ITCH: variants seen among roughly 807,000 people sequenced by gnomAD.
ITCH encodes the protein itchy E3 ubiquitin protein ligase, also known as E3 ubiquitin-protein ligase Itchy homolog.
A neutral mutation model predicts 126.8 loss-of-function variants in ITCH; 28 were observed. The observed-to-expected ratio is 0.22, with a 90% CI of 0.16 to 0.30. ITCH has a LOEUF of 0.30. Among genes scored for constraint, ITCH ranks in the 10% least tolerant of loss-of-function variants. ITCH has a pLI of 1.00. For synonymous variants in ITCH, 342 were observed against 340.0 expected (o/e 1.01, Z -0.06); for missense variants, 631 against 1,032.4 (o/e 0.61, Z 5.33).
At chr20:34,421,533 T>TG (rs1487647367) in intron 6 of ITCH, among the ~76,000 whole-genome samples, 1 of 152,212 alleles carries the variant, frequency 6.6e-6, no homozygotes, top group Non-Finnish European at 1.5e-5. Flanking sequence ...GTTTGTAAAA[T>TG]GCAGTGGTTA....
At chr20:34,462,270 G>A in intron 14 of ITCH, 49 bp downstream of exon 14, 1 of 1,573,120 alleles carries the variant, frequency 6.4e-7, no homozygotes, top group Non-Finnish European at 8.7e-7. Flanking sequence ...TAGTCCTTCA[G>A]ATTTTGATAT....
intron 2 of ITCH, among the ~76,000 whole-genome samples, chr20:34,385,219 GTGGT>G (rs750692060): frequency 1.8e-4 from 19 of 107,274 alleles, no homozygotes; most frequent in South Asian, 3.2e-4. Flanking sequence ...GTGTGTGTGT[GTGGT>G]TTTTTTTTTT....
chr20:34,446,142 T>A (rs117234544), intron 11 of ITCH, among the ~76,000 whole-genome samples: 2 of 152,318 alleles, frequency 1.3e-5, no homozygotes, highest in Non-Finnish European at 2.9e-5. Flanking sequence ...TCATACAGTA[T>A]CATTGATCTT....
chr20:34,455,814 C>T (rs956286489), intron 12 of ITCH, among the ~76,000 whole-genome samples: 1 of 151,752 alleles, frequency 6.6e-6, no homozygotes, highest in Non-Finnish European at 1.5e-5. Flanking sequence ...GGGGAGATTT[C>T]AGGAAAGCAG....
At chr20:34,365,124 C>CG (rs903195080) in intron 1 of ITCH, among the ~76,000 whole-genome samples, 8 of 151,696 alleles carry the variant, frequency 5.3e-5, no homozygotes, top group Non-Finnish European at 1.0e-4. Context: ...CACCTGATTC[C>CG]GGGGGGTCGA....
At chr20:34,482,613 T>G in intron 20 of ITCH, among the ~76,000 whole-genome samples, 1 of 152,218 alleles carries the variant, frequency 6.6e-6, no homozygotes, top group Non-Finnish European at 1.5e-5. Context: ...ACACTGCCCT[T>G]GGGGCTTTGC....
chr20:34,457,440 C>G lies in ITCH; in HGVS notation c.1261C>G (p.Arg421Gly). 2.5e-6 allele frequency: 4 copies of G among 1,613,296 alleles called. No individual in the cohort carries two copies. The highest frequency in any genetic ancestry group is 3.4e-6 in the Non-Finnish European group (4 of 1,179,438). Residue 421 changes from arginine (R) to glycine (G), a missense_variant, in exon 13 of 25, where the codon CGA becomes GGA. Arg to Gly is a moderately radical substitution (Grantham distance 125, BLOSUM62 -2). Transcript: ENST00000374864. ...AGTATATTTCGTCAACCACAACACA[C>G]GAATTACACAATGGGAAGACCCCAG... ...GRVYFVNHNTRITQWEDPRSQ... is the reference protein window; with the variant it reads ...GRVYFVNHNTGITQWEDPRSQ...
intron 2 of ITCH, among the ~76,000 whole-genome samples, chr20:34,391,076 T>TATG (rs2038474038): frequency 6.6e-6 from 1 of 152,218 alleles, no homozygotes; most frequent in Non-Finnish European, 1.5e-5. Flanking sequence ...TTTAACCATG[T>TATG]ATGCAGTTGT....
intron 3 of ITCH, among the ~76,000 whole-genome samples, chr20:34,394,716 A>G (rs1362120552): frequency 6.6e-6 from 1 of 152,172 alleles, no homozygotes; most frequent in Non-Finnish European, 1.5e-5. Flanking sequence ...GGATCACAGA[A>G]TGATTACCCC....
chr20:34,444,024 C>T (rs1454433570), intron 10 of ITCH, among the ~76,000 whole-genome samples: 2 of 152,016 alleles, frequency 1.3e-5, no homozygotes, highest in African/African-American at 4.8e-5. Flanking sequence ...TAATACATAC[C>T]CTTCATAATC....
chr20:34,394,687 G>T (rs1302603090), intron 3 of ITCH, among the ~76,000 whole-genome samples: 2 of 152,154 alleles, frequency 1.3e-5, no homozygotes, highest in African/African-American at 2.4e-5. Context: ...TTATTAGCAT[G>T]CATGGGTAGG....
At chr20:34,374,038 C>T (rs2037743240) in intron 2 of ITCH, among the ~76,000 whole-genome samples, 3 of 152,080 alleles carry the variant, frequency 2.0e-5, no homozygotes, top group African/African-American at 4.8e-5. Context: ...GTGCCCACCA[C>T]CACGCCTGGC....
intron 2 of ITCH, among the ~76,000 whole-genome samples, chr20:34,387,961 C>T (rs902960878): frequency 6.6e-6 from 1 of 152,168 alleles, no homozygotes; most frequent in African/African-American, 2.4e-5. Context: ...CCTCGGCCTC[C>T]CAAAGTGCTG....
At chr20:34,418,747 T>C (rs1980311456) in intron 6 of ITCH, among the ~76,000 whole-genome samples, 1 of 146,058 alleles carries the variant, frequency 6.8e-6, no homozygotes, top group Non-Finnish European at 1.5e-5. Flanking sequence ...TCTTTCTTTT[T>C]CTTTTTTTCC....
chr20:34,471,689 TG>T (rs1987641462), intron 16 of ITCH, among the ~76,000 whole-genome samples, 174 bp downstream of exon 16: 1 of 147,412 alleles, frequency 6.8e-6, no homozygotes, highest in South Asian at 2.2e-4. Context: ...TGTGTGTGTG[TG>T]TGTGTGTGTG....
chr20:34,404,304 C>G (rs2038980316), intron 3 of ITCH, among the ~76,000 whole-genome samples: 1 of 151,636 alleles, frequency 6.6e-6, no homozygotes, highest in Non-Finnish European at 1.5e-5. Flanking sequence ...GACTATAACA[C>G]AAGGTTTTGT....
In ITCH at chr20:34,414,967, G is replaced by A. The variant is rs569071965; in HGVS notation, c.475+1088G>A. Among the ~76,000 whole-genome samples the A allele has an allele frequency of 1.1e-4, 17 of 152,286 alleles. No individual in the cohort carries two copies. The Middle Eastern group carries it at 0.014, about 122-fold the overall frequency. ...GTGTTAAAGGAAAATAAACTGTGGT[G>A]GCACCTGAGTTAGTGGCTACACAGC... On this transcript the variant is annotated intron_variant, in intron 6 of 24. Transcript: ENST00000374864.
At chr20:34,433,042 C>CA (rs1982523811) in intron 7 of ITCH, among the ~76,000 whole-genome samples, 1 of 152,066 alleles carries the variant, frequency 6.6e-6, no homozygotes, top group Non-Finnish European at 1.5e-5. Context: ...GTAATCCCAG[C>CA]ACTTTAGGAG....
At position 34,510,090 on chromosome 20, in the gene ITCH, GGAA is replaced by G. The variant is rs1314452030; in HGVS notation, c.*2301_*2303del. On this transcript the variant is annotated 3_prime_UTR_variant, in exon 25 of 25. Transcript: ENST00000374864. ...GGGCTTGGCTATTTAATATTTTTAT[GGAA>G]GAAGTGTTTAGTTCTGGAAAAGGTA... The G allele has an allele frequency of 2.0e-5, 3 of 152,500 alleles. No homozygotes were observed. Among genetic ancestry groups the G allele is most frequent in the Non-Finnish European group, 4.4e-5 (3 of 68,026 alleles). The allele number at this position is 152,500 out of a possible 1,614,324, so 9.4% of individuals were successfully genotyped here.
Sources: allele counts gnomAD v4.1 joint callset (sites outside exome capture counted in the v4.1 genomes callset), GRCh38; gene constraint gnomAD v4.1.1; transcripts MANE v1.5; gene names NCBI Gene and HGNC (gene_info 2026-07-23, HGNC 2026-07-21).